The following INPP1 variants were observed in gnomAD, a reference collection of about 807,000 sequenced individuals.
INPP1 encodes inositol polyphosphate-1-phosphatase.
A neutral mutation model predicts 23.0 loss-of-function variants in INPP1; 18 were observed. The ratio of observed to expected loss-of-function variants is 0.78; its 90% CI spans 0.54 to 1.16. The LOEUF is 1.16. Ranked by LOEUF, INPP1 falls within the 50% of genes most tolerant of loss-of-function variation. The pLI, the probability that INPP1 is intolerant of heterozygous loss-of-function variation, is 0.00. For synonymous variants in INPP1, 164 were observed against 176.3 expected, an observed-to-expected ratio of 0.93 and a Z score of 0.55; for missense variants, 448 against 482.1, an observed-to-expected ratio of 0.93 and a Z score of 0.66.
At chr2:190,357,622 G>A (rs1559081781) in intron 2 of INPP1, among the ~76,000 whole-genome samples, 1 of 152,164 alleles carries the variant, frequency 6.6e-6, no homozygotes, top group African/African-American at 2.4e-5. Flanking sequence ...TTTTCAACTT[G>A]TTGTAATATT....
At chr2:190,364,836 T>C (rs1185976775) in intron 4 of INPP1, among the ~76,000 whole-genome samples, 1 of 151,886 alleles carries the variant, frequency 6.6e-6, no homozygotes, top group Non-Finnish European at 1.5e-5. Flanking sequence ...ATTCCTGACC[T>C]CAAGTGATCT....
chr2:190,350,116 A>G (rs970204179), intron 2 of INPP1, among the ~76,000 whole-genome samples: 1 of 152,234 alleles, frequency 6.6e-6, no homozygotes, highest in African/African-American at 2.4e-5. Context: ...AAGTCCTGGG[A>G]TTATAGGCAT....
intron 2 of INPP1, among the ~76,000 whole-genome samples, chr2:190,350,034 G>A (rs560691679): frequency 7.9e-5 from 12 of 152,206 alleles, no homozygotes; most frequent in African/African-American, 2.6e-4. Context: ...TAGTAGAAAC[G>A]GGATTTTGCC....
intron 1 of INPP1, among the ~76,000 whole-genome samples, chr2:190,347,999 G>A (rs543912036): frequency 6.6e-6 from 1 of 152,304 alleles, no homozygotes; most frequent in East Asian, 1.9e-4. Context: ...TTAGCTAGGT[G>A]TGGTAGCGCG....
In INPP1 at chr2:190,367,953, C is replaced by G. The variant is rs536705039; in HGVS notation, c.466+1058C>G. Among the ~76,000 whole-genome samples the G allele has an allele frequency of 6.4e-4, 97 of 152,100 alleles. No individual in the cohort carries two copies. Among genetic ancestry groups the G allele is most frequent in the Non-Finnish European group, 1.1e-3 (77 of 67,988 alleles). ...CCCCTTCCTTTTTTTTCTTCCCCACCCAACACAATGGGACCATTCAAGGAC... is the reference window on the plus strand; with the variant it reads ...CCCCTTCCTTTTTTTTCTTCCCCACGCAACACAATGGGACCATTCAAGGAC... On this transcript the variant is annotated intron_variant, in intron 5 of 6. Coordinates refer to ENST00000392329, the MANE Select transcript of INPP1 (RefSeq NM_001128928.2). The surrounding 1 kb of genome is among the most constrained non-coding windows in gnomAD (Gnocchi z 4.1).
Position 190,369,093 on chromosome 2 carries a change from C to A in INPP1, c.467-10C>A. On this transcript the variant is annotated splice_polypyrimidine_tract_variant and intron_variant, in intron 5 of 6. Coordinates refer to ENST00000392329, the MANE Select transcript of INPP1 (RefSeq NM_001128928.2). ...TACCTGAATCCAAACACATTTGTTT[C>A]CTTTTTCAGATTCAACTTATCAGTA... is the stretch of plus-strand genomic sequence containing the variant. The A allele has an allele frequency of 6.5e-7, 1 of 1,533,166 alleles. No homozygotes were observed. The highest frequency in any genetic ancestry group is 8.9e-7 in the Non-Finnish European group (1 of 1,125,366). The allele number at this position is 1,533,166 out of a possible 1,614,324, so 95.0% of individuals were successfully genotyped here.
Position 190,371,519 on chromosome 2 carries a change from A to C in INPP1, c.*117A>C, listed in dbSNP as rs1689807638. 1.5e-6 allele frequency: 1 copy of C among 664,964 alleles called. No individual in the cohort carries two copies. The highest frequency in any genetic ancestry group is 2.4e-6 in the Non-Finnish European group (1 of 421,936). 41.2% of individuals were successfully genotyped at this position (664,964 alleles called of 1,614,324 possible). On this transcript the variant is annotated 3_prime_UTR_variant, in exon 7 of 7. Transcript: ENST00000392329. The surrounding 1 kb of genome is among the most constrained non-coding windows in gnomAD (Gnocchi z 5.3). ...GGTTAACATTCACCTTCCTCTTTTGAGGAGTATTTTTCCATTATGTATTCA... is the reference window on the plus strand; with the variant it reads ...GGTTAACATTCACCTTCCTCTTTTGCGGAGTATTTTTCCATTATGTATTCA...
rs1196963769 is a variant in INPP1, at chr2:190,356,087, T to A, written c.-64-3952T>A. ...CAAGTTGAGCCATTCAAGGTTAGGA[T>A]GAATTGTGCAATGCTTCCTTCAGGT... On this transcript the variant is annotated intron_variant, in intron 2 of 6. Coordinates refer to ENST00000392329, the MANE Select transcript of INPP1 (RefSeq NM_001128928.2). The surrounding 1 kb of genome is among the most constrained non-coding windows in gnomAD (Gnocchi z 6.4). 6.6e-6 allele frequency among the ~76,000 whole-genome samples: 1 copy of A among 152,234 alleles called. No homozygotes were observed. The highest frequency in any genetic ancestry group is 1.5e-5 in the Non-Finnish European group (1 of 68,046).
At chr2:190,350,694 G>A (rs1273229082) in intron 2 of INPP1, among the ~76,000 whole-genome samples, 2 of 152,100 alleles carry the variant, frequency 1.3e-5, no homozygotes, top group South Asian at 4.1e-4. Flanking sequence ...CATTTGAGAT[G>A]GAATTGAAGT....
intron 1 of INPP1, among the ~76,000 whole-genome samples, chr2:190,347,174 G>A (rs572138318): frequency 6.6e-6 from 1 of 151,858 alleles, no homozygotes; most frequent in African/African-American, 2.4e-5. Context: ...ACCACACCAG[G>A]CTAATTTTTT....
chr2:190,352,572 G>A lies in INPP1; in HGVS notation c.-65+3541G>A, dbSNP rs1394815629. On this transcript the variant is annotated intron_variant, in intron 2 of 6. Coordinates refer to ENST00000392329, the MANE Select transcript of INPP1 (RefSeq NM_001128928.2). This position sits in a 1 kb window ranked among gnomAD's most constrained non-coding sequence, Gnocchi z 4.7. ...CCATTAGCAAGTGACACAACACAGC[G>A]AGCCCCCCCTCCATATTTAGTGTGG... Among the ~76,000 whole-genome samples the A allele has an allele frequency of 1.3e-5, 2 of 152,072 alleles. No individual in the cohort carries two copies. The highest frequency in any genetic ancestry group is 2.4e-5 in the African/African-American group (1 of 41,396).
At chr2:190,344,460 C>T (rs1689179192) in intron 1 of INPP1, among the ~76,000 whole-genome samples, 1 of 152,204 alleles carries the variant, frequency 6.6e-6, no homozygotes, top group African/African-American at 2.4e-5. Context: ...TAGCTGCCAG[C>T]TACCTCCAGT....
rs956378275 is a variant in INPP1 at position 190,368,634 on chromosome 2, A to G, written c.467-469A>G. ...TTTGAGTAATAAACAATCTAGTTAC[A>G]CTCTTTATTTTAAAATGTACAGTTA... On this transcript the variant is annotated intron_variant, in intron 5 of 6. Coordinates refer to ENST00000392329, the MANE Select transcript of INPP1 (RefSeq NM_001128928.2). The surrounding 1 kb of genome is among the most constrained non-coding windows in gnomAD (Gnocchi z 4.3). 13 of 152,134 alleles carry G rather than the reference A, an allele frequency of 8.5e-5. No individual in the cohort carries two copies. Among genetic ancestry groups the G allele is most frequent in the African/African-American group, 2.7e-4 (11 of 41,372 alleles). 9.4% of individuals were successfully genotyped at this position (152,134 alleles called of 1,614,324 possible). A position where few individuals can be genotyped will look rare whatever the true frequency, so the allele number is the denominator to read the frequency against.
rs1335825055 is a variant in INPP1, at chr2:190,346,610, T to C, written c.-208-2278T>C. Reference sequence around the variant, plus strand: ...ATTGTACCTAATAATTTCTCTTTCTTTTTTTTCTTTTTTTCTTGAGAAAAG... The same window carrying C: ...ATTGTACCTAATAATTTCTCTTTCTCTTTTTTCTTTTTTTCTTGAGAAAAG... On this transcript the variant is annotated intron_variant, in intron 1 of 6. Coordinates refer to ENST00000392329, the MANE Select transcript of INPP1 (RefSeq NM_001128928.2). This position sits in a 1 kb window ranked among gnomAD's most constrained non-coding sequence, Gnocchi z 5.1. Among the ~76,000 whole-genome samples, 1 of 152,120 alleles carries C rather than the reference T, an allele frequency of 6.6e-6. No homozygotes were observed. The highest frequency in any genetic ancestry group is 1.5e-5 in the Non-Finnish European group (1 of 68,026).
intron 2 of INPP1, among the ~76,000 whole-genome samples, chr2:190,351,416 C>A (rs1301743394): frequency 2.0e-5 from 3 of 152,142 alleles, no homozygotes; most frequent in African/African-American, 7.3e-5. Context: ...TCAACCCACT[C>A]GTGTAACCAT....
rs1384594343 is a variant in INPP1, at chr2:190,366,693, A to G, written c.266-2A>G. 6.3e-7 allele frequency: 1 copy of G among 1,599,728 alleles called. No individual in the cohort carries two copies. ...ATGGCTTATCGTGTGGCTTTACCCTAGGGGAAAAGATTACCTTGAGGTTGT... is the reference window on the plus strand; with the variant it reads ...ATGGCTTATCGTGTGGCTTTACCCTGGGGGAAAAGATTACCTTGAGGTTGT... On this transcript the variant is annotated splice_acceptor_variant, in intron 4 of 6. Coordinates refer to ENST00000392329, the MANE Select transcript of INPP1 (RefSeq NM_001128928.2). LOFTEE classifies it high-confidence loss of function.
chr2:190,357,909 C>G (rs1445689833), intron 2 of INPP1, among the ~76,000 whole-genome samples: 3 of 152,140 alleles, frequency 2.0e-5, no homozygotes, highest in Non-Finnish European at 4.4e-5. Flanking sequence ...ACTACTGAGA[C>G]TAGACATATT....
intron 1 of INPP1, among the ~76,000 whole-genome samples, chr2:190,348,546 T>C (rs1281375312): frequency 1.3e-5 from 2 of 152,182 alleles, no homozygotes; most frequent in Admixed American, 6.5e-5. Flanking sequence ...ACAATGACTC[T>C]ACCCTCTCTT....
chr2:190,350,323 C>G (rs1689302532), intron 2 of INPP1, among the ~76,000 whole-genome samples: 1 of 152,190 alleles, frequency 6.6e-6, no homozygotes, highest in Non-Finnish European at 1.5e-5. Flanking sequence ...TAAGTTGACT[C>G]TTAGTGGAAC....
Sources: gnomAD v4.1 joint callset for allele counts (sites outside exome capture counted in the v4.1 genomes callset) on GRCh38, gnomAD v4.1.1 for gene constraint, Gnocchi (gnomAD v3.1) non-coding constraint, MANE v1.5 for transcripts, NCBI Gene and HGNC (gene_info 2026-07-23, HGNC 2026-07-21) for gene names.